EIF4E: variants seen among roughly 807,000 people sequenced by gnomAD.
EIF4E encodes the protein eIF-4F 25 kDa subunit.
For synonymous variants in EIF4E, 71 were observed against 88.5 expected (o/e 0.80, Z 1.11); for missense variants, 113 against 265.6 (o/e 0.43, Z 3.99).
At chr4:98,923,204 CA>C (rs550509478) in intron 1 of EIF4E, among the ~76,000 whole-genome samples, 188 of 121,352 alleles carry the variant, frequency 1.5e-3, no homozygotes, top group Middle Eastern at 0.014. Context: ...ACTGGGGAAA[CA>C]AAAAAAAAAA....
chr4:98,928,584 A>C (rs577515061), intron 1 of EIF4E, among the ~76,000 whole-genome samples: 15 of 151,946 alleles, frequency 9.9e-5, no homozygotes, highest in African/African-American at 3.6e-4. Context: ...CCAGCTCCCC[A>C]GTCCACCGGT....
At chr4:98,907,691 G>C (rs973891136) in intron 1 of EIF4E, among the ~76,000 whole-genome samples, 2 of 152,144 alleles carry the variant, frequency 1.3e-5, no homozygotes, top group Non-Finnish European at 2.9e-5. Context: ...ACCCCAACTT[G>C]ATGAGTCCTT....
chr4:98,897,869 T>C (rs1259158026), intron 2 of EIF4E, among the ~76,000 whole-genome samples: 3 of 152,228 alleles, frequency 2.0e-5, no homozygotes, highest in Admixed American at 6.5e-5. Flanking sequence ...TTTGATACTA[T>C]ATAAGAAAAT....
Position 98,924,934 on chromosome 4 carries a change from G to C in EIF4E, c.18+4161C>G, listed in dbSNP as rs1360968227. On this transcript the variant is annotated intron_variant, in intron 1 of 6. Coordinates refer to ENST00000450253, the MANE Select transcript of EIF4E (RefSeq NM_001968.5). ...TTTTAATTGAAGAAATCTGGAATAT[G>C]AACCCCAGAGCCAAATTTACGTGGA... is the stretch of plus-strand genomic sequence containing the variant. 2.0e-5 allele frequency among the ~76,000 whole-genome samples: 3 copies of C among 152,252 alleles called. No homozygotes were observed. The East Asian group carries it at 5.8e-4, about 29-fold the overall frequency.
chr4:98,919,683 C>T (rs556625208), intron 1 of EIF4E, among the ~76,000 whole-genome samples: 477 of 151,640 alleles, frequency 3.1e-3, no homozygotes, highest in Non-Finnish European at 6.0e-3. Flanking sequence ...CTCAGCCTCC[C>T]GAGTAGCTGG....
At chr4:98,897,682 A>T (rs12498533) in intron 2 of EIF4E, among the ~76,000 whole-genome samples, 1 of 152,026 alleles carries the variant, frequency 6.6e-6, no homozygotes, top group African/African-American at 2.4e-5. Flanking sequence ...CACTACTGTA[A>T]AACAAAATAC....
intron 1 of EIF4E, among the ~76,000 whole-genome samples, chr4:98,922,843 CTTTT>C (rs886498229): frequency 7.2e-6 from 1 of 139,454 alleles, no homozygotes; most frequent in Non-Finnish European, 1.5e-5. Flanking sequence ...CCTGTTTTTT[CTTTT>C]TTCTTTTTTT....
intron 3 of EIF4E, chr4:98,890,663 T>C (rs1192031452): frequency 6.5e-6 from 1 of 153,162 alleles, no homozygotes; most frequent in Admixed American, 6.5e-5. Context: ...CAAAAGTTGA[T>C]GATCCCAATT....
intron 1 of EIF4E, among the ~76,000 whole-genome samples, chr4:98,910,254 A>T (rs1027884799): frequency 6.6e-6 from 1 of 152,232 alleles, no homozygotes. Flanking sequence ...TGAAATAAAA[A>T]ACACATGGAG....
Position 98,919,622 on chromosome 4 carries a change from A to T in EIF4E, c.18+9473T>A, listed in dbSNP as rs1237676322. 5.6e-5 allele frequency among the ~76,000 whole-genome samples: 8 copies of T among 142,898 alleles called. No homozygotes were observed. The East Asian group carries it at 1.6e-3, about 29-fold the overall frequency. 93.7% of individuals were successfully genotyped at this position (142,898 alleles called of 152,430 possible). ...CACCCAGGCTGGCGTGCAGTGGTGC[A>T]GTCTTGGCTCACTGCAACCTCCGCC... On this transcript the variant is annotated intron_variant, in intron 1 of 6. Coordinates refer to ENST00000450253, the MANE Select transcript of EIF4E (RefSeq NM_001968.5).
intron 1 of EIF4E, among the ~76,000 whole-genome samples, chr4:98,912,317 C>T (rs547733776): frequency 5.5e-4 from 83 of 151,376 alleles, no homozygotes; most frequent in Non-Finnish European, 9.1e-4. Context: ...TGGCTCATGC[C>T]TGTAATCCCA....
At chr4:98,905,826 T>G (rs1468276770) in intron 1 of EIF4E, among the ~76,000 whole-genome samples, 1 of 152,172 alleles carries the variant, frequency 6.6e-6, no homozygotes, top group African/African-American at 2.4e-5. Flanking sequence ...GAGAAAAGTC[T>G]AACAACTGGC....
chr4:98,912,153 G>A (rs1725178824), intron 1 of EIF4E, among the ~76,000 whole-genome samples: 1 of 151,348 alleles, frequency 6.6e-6, no homozygotes, highest in African/African-American at 2.4e-5. Flanking sequence ...TTGGGAGGCT[G>A]AAGCAGGAGA....
In EIF4E at chr4:98,887,066, T is replaced by G. The variant is rs766504723; in HGVS notation, c.399+13A>C. On this transcript the variant is annotated intron_variant, in intron 5 of 6. Transcript: ENST00000450253. This position sits in a 1 kb window ranked among gnomAD's most constrained non-coding sequence, Gnocchi z 4.0. ...ACTACCTCTAAAACTGCTTTATACTTTTAAAACCTTACTGTCTCTAGCCAA... is the reference window on the plus strand; with the variant it reads ...ACTACCTCTAAAACTGCTTTATACTGTTAAAACCTTACTGTCTCTAGCCAA... The G allele has an allele frequency of 2.5e-6, 4 of 1,611,912 alleles. No homozygotes were observed. In the Admixed American group the frequency reaches 6.7e-5, roughly 27 times the overall value.
chr4:98,922,483 G>A (rs967076571), intron 1 of EIF4E, among the ~76,000 whole-genome samples: 2 of 151,546 alleles, frequency 1.3e-5, no homozygotes, highest in East Asian at 3.9e-4. Flanking sequence ...TTGAACCCAG[G>A]AGGCGGAGGT....
chr4:98,889,572 A>G (rs1033654497), intron 3 of EIF4E, among the ~76,000 whole-genome samples: 1 of 152,220 alleles, frequency 6.6e-6, no homozygotes, highest in Admixed American at 6.5e-5. Flanking sequence ...TATCTGCAAT[A>G]AATTTGCTAG....
intron 2 of EIF4E, 122 bp downstream of exon 2, chr4:98,901,754 T>C (rs17570252): frequency 0.23 from 215,809 of 927,774 alleles, 28,730 homozygotes; most frequent in Non-Finnish European, 0.28. Context: ...CAAGTGAAAA[T>C]AGAACCCTCA....
intron 1 of EIF4E, among the ~76,000 whole-genome samples, chr4:98,904,528 T>C (rs1009938365): frequency 6.6e-6 from 1 of 152,090 alleles, no homozygotes; most frequent in Non-Finnish European, 1.5e-5. Context: ...CCCAGCACTT[T>C]GGGAGGTCAA....
At position 98,887,833 on chromosome 4, in the gene EIF4E, G is replaced by T; in HGVS notation, c.285+56C>A. ...TAAGTTTATGGTAAGATTTCTTAAT[G>T]AATACCAAATGGCCCAGTCCTATAA... On this transcript the variant is annotated intron_variant, in intron 4 of 6. Coordinates refer to ENST00000450253, the MANE Select transcript of EIF4E (RefSeq NM_001968.5). This position sits in a 1 kb window ranked among gnomAD's most constrained non-coding sequence, Gnocchi z 4.0. 2 of 1,479,134 alleles carry T rather than the reference G, an allele frequency of 1.4e-6. No homozygotes were observed. The highest frequency in any genetic ancestry group is 2.3e-5 in the East Asian group (1 of 43,024). The allele number at this position is 1,479,134 out of a possible 1,614,324, so 91.6% of individuals were successfully genotyped here.
Sources: gnomAD v4.1 joint callset for allele counts (sites outside exome capture counted in the v4.1 genomes callset) on GRCh38, gnomAD v4.1.1 for gene constraint, Gnocchi (gnomAD v3.1) non-coding constraint, MANE v1.5 for transcripts, NCBI Gene and HGNC (gene_info 2026-07-23, HGNC 2026-07-21) for gene names.